IMMP2L: variants seen among roughly 807,000 people sequenced by gnomAD.
IMMP2L encodes mitochondrial inner membrane protease subunit 2.
A neutral mutation model predicts 19.3 loss-of-function variants in IMMP2L; 18 were observed. The observed-to-expected ratio is 0.93, with a 90% CI of 0.64 to 1.38. The LOEUF is 1.38. IMMP2L is among the 40% of genes most tolerant of loss of function. The pLI, the probability that IMMP2L is intolerant of heterozygous loss-of-function variation, is 0.00. For synonymous variants in IMMP2L, 76 were observed against 73.0 expected (o/e 1.04, Z -0.21); for missense variants, 233 against 218.2 (o/e 1.07, Z -0.43).
At chr7:111,297,822 T>C (rs1821791141) in intron 3 of IMMP2L, among the ~76,000 whole-genome samples, 1 of 152,108 alleles carries the variant, frequency 6.6e-6, no homozygotes, top group South Asian at 2.1e-4. Context: ...GTGTATACTG[T>C]ATAAGTCCAT....
intron 5 of IMMP2L, among the ~76,000 whole-genome samples, chr7:110,671,398 T>G (rs1173453055): frequency 6.6e-6 from 1 of 152,238 alleles, no homozygotes; most frequent in Non-Finnish European, 1.5e-5. Context: ...CATGGATCAT[T>G]GTATTCACTA....
intron 3 of IMMP2L, among the ~76,000 whole-genome samples, chr7:111,350,155 A>G (rs1277776816): frequency 6.6e-6 from 1 of 151,690 alleles, no homozygotes; most frequent in Admixed American, 6.6e-5. Flanking sequence ...TTTAGTAGAG[A>G]GGGGGTTTCA....
At chr7:110,713,037 G>C (rs995392870) in intron 5 of IMMP2L, among the ~76,000 whole-genome samples, 1 of 152,184 alleles carries the variant, frequency 6.6e-6, no homozygotes, top group Non-Finnish European at 1.5e-5. Context: ...TATGACTCTT[G>C]TAGATAACCT....
At chr7:110,890,068 T>C (rs965251384) in intron 4 of IMMP2L, among the ~76,000 whole-genome samples, 1 of 152,220 alleles carries the variant, frequency 6.6e-6, no homozygotes, top group African/African-American at 2.4e-5. Flanking sequence ...CTGCTATCTA[T>C]TAGCATCAGT....
At chr7:110,752,076 T>G (rs1271592809) in intron 5 of IMMP2L, among the ~76,000 whole-genome samples, 3 of 152,024 alleles carry the variant, frequency 2.0e-5, no homozygotes, top group Admixed American at 6.6e-5. Flanking sequence ...ACTTACATGT[T>G]TGTCCAAGTT....
At chr7:110,763,523 T>C (rs1798476732) in intron 5 of IMMP2L, among the ~76,000 whole-genome samples, 1 of 152,118 alleles carries the variant, frequency 6.6e-6, no homozygotes, top group East Asian at 1.9e-4. Context: ...CTCAAATATC[T>C]GGCTATACTA....
At chr7:111,090,789 T>C (rs533318297) in intron 3 of IMMP2L, among the ~76,000 whole-genome samples, 1 of 152,276 alleles carries the variant, frequency 6.6e-6, no homozygotes, top group Non-Finnish European at 1.5e-5. Context: ...GTTTTTAATA[T>C]TTAGGAAATC....
At chr7:111,001,266 T>C (rs1314088041) in intron 3 of IMMP2L, among the ~76,000 whole-genome samples, 1 of 152,192 alleles carries the variant, frequency 6.6e-6, no homozygotes, top group Non-Finnish European at 1.5e-5. Flanking sequence ...AATGTAATCT[T>C]TAATTATTAC....
rs138432012 is a variant in IMMP2L at position 111,335,913 on chromosome 7, A to C, written c.239+151325T>G. Among the ~76,000 whole-genome samples, 177 of 152,314 alleles carry C rather than the reference A, an allele frequency of 1.2e-3. 1 individual carries two copies. The highest frequency in any genetic ancestry group is 4.0e-3 in the African/African-American group (167 of 41,584). On this transcript the variant is annotated intron_variant, in intron 3 of 5. Coordinates refer to ENST00000405709, the MANE Select transcript of IMMP2L (RefSeq NM_032549.4). Reference sequence around the variant, plus strand: ...GGATGATATACATCAAATGAATAATAATTACCTATGGGGTAGGAATTGCTC... The same window carrying C: ...GGATGATATACATCAAATGAATAATCATTACCTATGGGGTAGGAATTGCTC...
chr7:111,300,326 C>G (rs1341345952), intron 3 of IMMP2L, among the ~76,000 whole-genome samples: 1 of 152,096 alleles, frequency 6.6e-6, no homozygotes, highest in East Asian at 1.9e-4. Flanking sequence ...ATCACTAGGG[C>G]TGGAAGTCAT....
At chr7:111,521,620 A>C (rs1406170101) in intron 1 of IMMP2L, among the ~76,000 whole-genome samples, 171 bp from the exon 2 acceptor site, 1 of 152,156 alleles carries the variant, frequency 6.6e-6, no homozygotes, top group African/African-American at 2.4e-5. Flanking sequence ...TTAAAGTCCT[A>C]AAGTGAAATA....
chr7:110,748,562 C>A (rs765722230), intron 5 of IMMP2L, among the ~76,000 whole-genome samples: 2 of 151,924 alleles, frequency 1.3e-5, no homozygotes, highest in Non-Finnish European at 1.5e-5. Context: ...TATAGACCAA[C>A]GGAACAGAAG....
At chr7:111,504,501 C>T (rs1180115243) in intron 2 of IMMP2L, among the ~76,000 whole-genome samples, 2 of 151,988 alleles carry the variant, frequency 1.3e-5, no homozygotes, top group Admixed American at 1.3e-4. Flanking sequence ...CAAAAAAGAG[C>T]CTGCATCACC....
intron 3 of IMMP2L, among the ~76,000 whole-genome samples, chr7:111,165,465 A>G (rs569595073): frequency 6.6e-6 from 1 of 152,082 alleles, no homozygotes; most frequent in South Asian, 2.1e-4. Flanking sequence ...ATCACAGGGT[A>G]ATTTTATGTT....
intron 3 of IMMP2L, among the ~76,000 whole-genome samples, chr7:111,129,708 T>C (rs545070487): frequency 3.3e-5 from 5 of 152,218 alleles, no homozygotes; most frequent in East Asian, 3.9e-4. Flanking sequence ...TTTCACACAA[T>C]AGTGACTACT....
intron 3 of IMMP2L, among the ~76,000 whole-genome samples, chr7:111,197,962 AC>A (rs894665110): frequency 7.2e-5 from 11 of 152,206 alleles, no homozygotes; most frequent in African/African-American, 2.4e-4. Flanking sequence ...GGAGGAAAAA[AC>A]ATTGACTAAA....
At chr7:110,888,531 G>A (rs575350027) in intron 4 of IMMP2L, among the ~76,000 whole-genome samples, 53 of 152,248 alleles carry the variant, frequency 3.5e-4, no homozygotes, top group Admixed American at 2.6e-3. Context: ...TTTCTGCAGT[G>A]ACACGGTGAG....
chr7:110,763,964 GC>G (rs908611567), intron 5 of IMMP2L, among the ~76,000 whole-genome samples: 16 of 152,242 alleles, frequency 1.1e-4, no homozygotes, highest in African/African-American at 3.8e-4. Flanking sequence ...GTAAACTTCA[GC>G]CCAGCTCTTT....
chr7:110,780,819 C>T lies in IMMP2L; in HGVS notation c.408+105774G>A, dbSNP rs541512303. On this transcript the variant is annotated intron_variant, in intron 5 of 5. Transcript: ENST00000405709. ...GTGCCTTTGCTACTCTACTTCCCCACAGAACAGGCTCAGAGTGCCAGCCTT... is the reference window on the plus strand; with the variant it reads ...GTGCCTTTGCTACTCTACTTCCCCATAGAACAGGCTCAGAGTGCCAGCCTT... Among the ~76,000 whole-genome samples, 22 of 152,048 alleles carry T rather than the reference C, an allele frequency of 1.4e-4. No homozygotes were observed. The South Asian group carries it at 4.4e-3, about 30-fold the overall frequency.
Sources: allele counts gnomAD v4.1 joint callset (sites outside exome capture counted in the v4.1 genomes callset), GRCh38; gene constraint gnomAD v4.1.1; transcripts MANE v1.5; gene names NCBI Gene and HGNC (gene_info 2026-07-23, HGNC 2026-07-21).